TSHZ2: variants seen among roughly 807,000 people sequenced by gnomAD.
TSHZ2 encodes teashirt zinc finger homeobox 2.
In TSHZ2, 21 loss-of-function variants were observed where a neutral mutation model predicts 74.4. The observed-to-expected ratio is 0.28, with a 90% confidence interval of 0.20 to 0.41. TSHZ2 has a LOEUF of 0.41. Ranked by LOEUF, TSHZ2 falls within the 10% of genes least tolerant of loss-of-function variation. The probability of loss-of-function intolerance (pLI) is 1.00; values close to 1 mark genes in which losing one functional copy is unlikely to be tolerated. For missense variants in TSHZ2, 1,244 were observed against 1,293.5 expected, an observed-to-expected ratio of 0.96 and a Z score of 0.59; for synonymous variants, 540 against 515.3, an observed-to-expected ratio of 1.05 and a Z score of -0.65.
intron 1 of TSHZ2, among the ~76,000 whole-genome samples, chr20:53,053,389 C>T (rs1244153792): frequency 6.6e-6 from 1 of 152,208 alleles, no homozygotes; most frequent in East Asian, 1.9e-4. Flanking sequence ...CAGAATTTCC[C>T]TTTTCTCTAC....
At chr20:53,108,176 T>G (rs1986433404) in intron 1 of TSHZ2, among the ~76,000 whole-genome samples, 2 of 152,232 alleles carry the variant, frequency 1.3e-5, no homozygotes, top group African/African-American at 4.8e-5. Flanking sequence ...CTCTTACTCC[T>G]GTTGAGAACC....
chr20:53,050,103 G>GTGTGTATATATATA (rs1555819290), intron 1 of TSHZ2, among the ~76,000 whole-genome samples: 2 of 116,056 alleles, frequency 1.7e-5, no homozygotes, highest in African/African-American at 7.8e-5. Context: ...GTATATGTGT[G>GTGTGTATATATATA]TATATATATA....
chr20:53,009,538 C>A (rs1305964694), intron 1 of TSHZ2, among the ~76,000 whole-genome samples: 2 of 152,138 alleles, frequency 1.3e-5, no homozygotes, highest in Non-Finnish European at 2.9e-5. Flanking sequence ...CTGGAATTTT[C>A]TATTTAATAT....
chr20:53,409,869 C>T lies in TSHZ2; in HGVS notation c.*9-77275C>T, dbSNP rs1217443609. On this transcript the variant is annotated intron_variant, in intron 2 of 2. Coordinates refer to ENST00000371497, the MANE Select transcript of TSHZ2 (RefSeq NM_173485.6). ...TTTTTTTTTTTTTTTTTTTTTGAGACGGAGTCTTGTTCCGTCGCCCAGACT... is the reference window on the plus strand; with the variant it reads ...TTTTTTTTTTTTTTTTTTTTTGAGATGGAGTCTTGTTCCGTCGCCCAGACT... Among the ~76,000 whole-genome samples the T allele has an allele frequency of 7.4e-5, 6 of 81,024 alleles. No individual in the cohort carries two copies. The East Asian group carries it at 1.7e-3, about 22-fold the overall frequency. 53.2% of individuals were successfully genotyped at this position (81,024 alleles called of 152,430 possible).
At chr20:53,083,210 G>A (rs1445528397) in intron 1 of TSHZ2, among the ~76,000 whole-genome samples, 1 of 152,170 alleles carries the variant, frequency 6.6e-6, no homozygotes, top group East Asian at 1.9e-4. Flanking sequence ...TTAGGCATCT[G>A]TGCAATCGTC....
intron 1 of TSHZ2, among the ~76,000 whole-genome samples, chr20:53,119,324 G>A (rs1022498303): frequency 5.9e-5 from 9 of 152,228 alleles, no homozygotes; most frequent in African/African-American, 2.2e-4. Context: ...AGATATCGGT[G>A]TCACATCAAT....
At chr20:53,105,367 TC>T (rs1276870112) in intron 1 of TSHZ2, among the ~76,000 whole-genome samples, 6 of 152,346 alleles carry the variant, frequency 3.9e-5, no homozygotes, top group African/African-American at 1.4e-4. Context: ...TTTAGCGGCA[TC>T]CCAGGCCTCT....
At position 53,405,092 on chromosome 20, in the gene TSHZ2, T is replaced by TG. The variant is rs1982795396; in HGVS notation, c.*9-82052_*9-82051insG. Among the ~76,000 whole-genome samples, 3 of 152,010 alleles carry TG rather than the reference T, an allele frequency of 2.0e-5. No individual in the cohort carries two copies. The South Asian group carries it at 6.2e-4, about 32-fold the overall frequency. On this transcript the variant is annotated intron_variant, in intron 2 of 2. Coordinates refer to ENST00000371497, the MANE Select transcript of TSHZ2 (RefSeq NM_173485.6). ...GGGCGAAAACCTGTCTCTACAAAAA[T>TG]ACAAAAATTAGCCAGCTGTGGTTGC...
chr20:53,348,992 T>G (rs1455950860), intron 2 of TSHZ2, among the ~76,000 whole-genome samples: 1 of 152,216 alleles, frequency 6.6e-6, no homozygotes, highest in Non-Finnish European at 1.5e-5. Flanking sequence ...CTCGGCAAAA[T>G]GACCTGGCCT....
chr20:53,087,111 C>T (rs1333257952), intron 1 of TSHZ2, among the ~76,000 whole-genome samples: 2 of 152,098 alleles, frequency 1.3e-5, no homozygotes, highest in African/African-American at 4.8e-5. Flanking sequence ...TTCATAATAC[C>T]AGATTCTCAC....
intron 2 of TSHZ2, among the ~76,000 whole-genome samples, chr20:53,384,572 G>A (rs1465807095): frequency 6.6e-6 from 1 of 152,112 alleles, no homozygotes; most frequent in Non-Finnish European, 1.5e-5. Flanking sequence ...CCACTTCCCA[G>A]CTGTGTGACT....
intron 1 of TSHZ2, among the ~76,000 whole-genome samples, chr20:52,985,309 T>C (rs116457235): frequency 4.1e-4 from 62 of 152,348 alleles, no homozygotes; most frequent in African/African-American, 1.5e-3. Flanking sequence ...ACTCATTTCA[T>C]AGGTTTTTTA....
At chr20:53,138,863 C>A (rs1036237444) in intron 1 of TSHZ2, among the ~76,000 whole-genome samples, 1 of 152,158 alleles carries the variant, frequency 6.6e-6, no homozygotes, top group African/African-American at 2.4e-5. Context: ...TATTGACCAG[C>A]GGTGGGCATG....
intron 1 of TSHZ2, among the ~76,000 whole-genome samples, chr20:53,104,908 C>T (rs1168047028): frequency 6.6e-6 from 1 of 152,144 alleles, no homozygotes; most frequent in African/African-American, 2.4e-5. Context: ...AAGATGGCGC[C>T]CACCTTTCCC....
At chr20:53,100,607 T>A (rs1003068560) in intron 1 of TSHZ2, among the ~76,000 whole-genome samples, 4 of 152,154 alleles carry the variant, frequency 2.6e-5, no homozygotes, top group Non-Finnish European at 5.9e-5. Context: ...GACAGCTCTG[T>A]TTGTGTCAAC....
chr20:53,363,594 A>G (rs1025751935), intron 2 of TSHZ2, among the ~76,000 whole-genome samples: 1 of 152,232 alleles, frequency 6.6e-6, no homozygotes, highest in African/African-American at 2.4e-5. Context: ...ATTCATCAAA[A>G]TAAAGCAGAT....
chr20:53,361,276 C>T (rs1009413230), intron 2 of TSHZ2, among the ~76,000 whole-genome samples: 3 of 152,230 alleles, frequency 2.0e-5, no homozygotes, highest in Non-Finnish European at 2.9e-5. Context: ...GACACTTTTG[C>T]AGGAAGCTGT....
intron 1 of TSHZ2, among the ~76,000 whole-genome samples, chr20:53,227,308 A>G (rs1024167739): frequency 2.6e-5 from 4 of 152,122 alleles, no homozygotes; most frequent in Non-Finnish European, 5.9e-5. Context: ...TATATTTTGT[A>G]TAAACATATT....
chr20:53,338,386 G>T (rs1273774784), intron 2 of TSHZ2, among the ~76,000 whole-genome samples: 1 of 152,166 alleles, frequency 6.6e-6, no homozygotes, highest in Non-Finnish European at 1.5e-5. Flanking sequence ...TATGATGACT[G>T]CCTGGGTCCT....
Sources: gnomAD v4.1 joint callset for allele counts (sites outside exome capture counted in the v4.1 genomes callset) on GRCh38, gnomAD v4.1.1 for gene constraint, MANE v1.5 for transcripts, NCBI Gene and HGNC (gene_info 2026-07-23, HGNC 2026-07-21) for gene names.